Variants in AGBL4 observed in about 807,000 individuals in gnomAD.
AGBL4 encodes cytosolic carboxypeptidase 6.
In AGBL4, 58 loss-of-function variants were observed where a neutral mutation model predicts 66.4. The ratio of observed to expected loss-of-function variants is 0.87; its 90% CI spans 0.71 to 1.09. AGBL4 has a LOEUF of 1.09. AGBL4 is among the 50% of genes least tolerant of loss of function. AGBL4 has a pLI of 0.00. For missense variants in AGBL4, 579 were observed against 631.0 expected, an observed-to-expected ratio of 0.92 and a Z score of 0.88; for synonymous variants, 234 against 222.9, an observed-to-expected ratio of 1.05 and a Z score of -0.44.
At chr1:49,249,251 T>C (rs942712281) in intron 3 of AGBL4, among the ~76,000 whole-genome samples, 2 of 152,172 alleles carry the variant, frequency 1.3e-5, no homozygotes, top group Admixed American at 1.3e-4. Context: ...AAAAAGCTTA[T>C]GCACAGCAAT....
chr1:49,539,355 GT>G (rs1259136677), intron 3 of AGBL4, among the ~76,000 whole-genome samples: 1 of 152,102 alleles, frequency 6.6e-6, no homozygotes, highest in Admixed American at 6.5e-5. Context: ...TCAGAAATTA[GT>G]TTTAAGAGCA....
At chr1:48,760,074 C>G (rs1644174158) in intron 6 of AGBL4, among the ~76,000 whole-genome samples, 4 of 152,170 alleles carry the variant, frequency 2.6e-5, no homozygotes, top group Admixed American at 2.6e-4. Flanking sequence ...GAGCCAAAAC[C>G]AGAATTTGGA....
intron 3 of AGBL4, among the ~76,000 whole-genome samples, chr1:49,305,014 AC>A (rs1375018662): frequency 9.2e-5 from 14 of 152,180 alleles, no homozygotes; most frequent in South Asian, 8.3e-4. Flanking sequence ...TTTAATCCTC[AC>A]AATGCTGTAA....
intron 5 of AGBL4, among the ~76,000 whole-genome samples, chr1:49,022,921 T>C (rs1663357420): frequency 6.6e-6 from 1 of 152,184 alleles, no homozygotes; most frequent in South Asian, 2.1e-4. Context: ...ATGAGGCAAC[T>C]GGGGATCAAA....
At chr1:49,513,779 T>C (rs1342827923) in intron 3 of AGBL4, among the ~76,000 whole-genome samples, 1 of 152,020 alleles carries the variant, frequency 6.6e-6, no homozygotes, top group East Asian at 1.9e-4. Context: ...CTTTTCAACT[T>C]TTCTTGCTGC....
intron 3 of AGBL4, among the ~76,000 whole-genome samples, chr1:49,335,714 AC>A (rs1270338149): frequency 1.3e-5 from 2 of 152,014 alleles, no homozygotes; most frequent in Non-Finnish European, 2.9e-5. Flanking sequence ...ACGGGGTTTC[AC>A]CATGTTAGTC....
At chr1:49,580,765 CAT>C (rs1223218337) in intron 3 of AGBL4, among the ~76,000 whole-genome samples, 1 of 152,100 alleles carries the variant, frequency 6.6e-6, no homozygotes, top group Non-Finnish European at 1.5e-5. Context: ...CTGTGAGTCA[CAT>C]GTTTTTCTCT....
At chr1:49,722,149 T>C (rs1236765076) in intron 2 of AGBL4, among the ~76,000 whole-genome samples, 6 of 152,180 alleles carry the variant, frequency 3.9e-5, no homozygotes, top group Admixed American at 3.9e-4. Flanking sequence ...CTGTACTTCT[T>C]CAAAGCACTT....
intron 5 of AGBL4, among the ~76,000 whole-genome samples, chr1:48,933,866 T>C (rs1328371588): frequency 6.6e-6 from 1 of 152,058 alleles, no homozygotes; most frequent in African/African-American, 2.4e-5. Context: ...GTGAAAAGAG[T>C]TGGACTTTCT....
At chr1:49,677,103 CAA>C (rs1229964300) in intron 3 of AGBL4, among the ~76,000 whole-genome samples, 2 of 151,972 alleles carry the variant, frequency 1.3e-5, no homozygotes, top group Non-Finnish European at 2.9e-5. Context: ...TGGCACCTCC[CAA>C]AAGAGGCTAT....
At chr1:48,683,153 G>A (rs561916553) in intron 6 of AGBL4, among the ~76,000 whole-genome samples, 6 of 152,216 alleles carry the variant, frequency 3.9e-5, no homozygotes, top group Non-Finnish European at 8.8e-5. Context: ...GATGACAGCT[G>A]TGATGGAAGA....
At chr1:49,826,079 A>G (rs1344275465) in intron 2 of AGBL4, among the ~76,000 whole-genome samples, 1 of 152,254 alleles carries the variant, frequency 6.6e-6, no homozygotes, top group Non-Finnish European at 1.5e-5. Context: ...TTTACATAAT[A>G]TTTTAAAACT....
At chr1:49,810,779 TG>T (rs1276235100) in intron 2 of AGBL4, among the ~76,000 whole-genome samples, 2 of 152,158 alleles carry the variant, frequency 1.3e-5, no homozygotes. Flanking sequence ...GGGAAGTTAC[TG>T]GAAGTTTTTT....
intron 3 of AGBL4, among the ~76,000 whole-genome samples, chr1:49,690,742 A>G (rs1238975517): frequency 6.6e-6 from 1 of 152,184 alleles, no homozygotes; most frequent in African/African-American, 2.4e-5. Flanking sequence ...TATATTTCCT[A>G]TTAGTATTAG....
At chr1:49,007,511 C>A (rs1244005443) in intron 5 of AGBL4, among the ~76,000 whole-genome samples, 1 of 148,396 alleles carries the variant, frequency 6.7e-6, no homozygotes, top group East Asian at 2.0e-4. Flanking sequence ...CGTTCAGATT[C>A]AGGAAATACA....
chr1:49,195,480 C>G (rs570843596), intron 4 of AGBL4, among the ~76,000 whole-genome samples: 1 of 152,012 alleles, frequency 6.6e-6, no homozygotes, highest in Non-Finnish European at 1.5e-5. Flanking sequence ...AAAATGGGAT[C>G]CCATTCTTTT....
intron 3 of AGBL4, among the ~76,000 whole-genome samples, chr1:49,260,391 CA>C (rs1249129318): frequency 6.6e-6 from 1 of 151,162 alleles, no homozygotes; most frequent in Non-Finnish European, 1.5e-5. Flanking sequence ...AAAGGATCAA[CA>C]AAATTGATAG....
chr1:49,053,924 A>G (rs1288408547), intron 4 of AGBL4, among the ~76,000 whole-genome samples: 3 of 152,168 alleles, frequency 2.0e-5, no homozygotes, highest in African/African-American at 7.2e-5. Flanking sequence ...AAACATCAAC[A>G]TCTACTTAAA....
intron 1 of AGBL4, among the ~76,000 whole-genome samples, chr1:49,967,039 CAAA>C (rs1226669034): frequency 2.0e-5 from 3 of 152,084 alleles, no homozygotes; most frequent in Admixed American, 2.0e-4. Flanking sequence ...ATTACTGGGT[CAAA>C]TGGTATTTCT....
Sources: gnomAD v4.1 joint callset for allele counts (sites outside exome capture counted in the v4.1 genomes callset) on GRCh38, gnomAD v4.1.1 for gene constraint, MANE v1.5 for transcripts, NCBI Gene and HGNC (gene_info 2026-07-23, HGNC 2026-07-21) for gene names.